Variants in HIBCH observed in about 807,000 individuals in gnomAD.
HIBCH encodes the protein 3-hydroxyisobutyryl-CoA hydrolase, mitochondrial.
Under a neutral mutation model 58.2 loss-of-function variants are expected in HIBCH, and 50 were observed. The observed-to-expected ratio is 0.86, with a 90% CI of 0.68 to 1.09. The LOEUF is 1.09. HIBCH is among the 50% of genes least tolerant of loss of function. The probability of loss-of-function intolerance (pLI) is 0.00; values close to 1 mark genes in which losing one functional copy is unlikely to be tolerated. For synonymous variants in HIBCH, 151 were observed against 146.9 expected, an observed-to-expected ratio of 1.03 and a Z score of -0.20; for missense variants, 450 against 449.7, an observed-to-expected ratio of 1.00 and a Z score of -0.01.
chr2:190,277,623 A>C (rs896185741), intron 6 of HIBCH, among the ~76,000 whole-genome samples: 1 of 152,216 alleles, frequency 6.6e-6, no homozygotes, highest in African/African-American at 2.4e-5. Context: ...GAGTTCCTTC[A>C]TAATAAATTG....
At position 190,236,489 on chromosome 2, in the gene HIBCH, G is replaced by C. The variant is rs952489366; in HGVS notation, c.891+8398C>G. 1.3e-5 allele frequency among the ~76,000 whole-genome samples: 2 copies of C among 152,122 alleles called. No homozygotes were observed. The highest frequency in any genetic ancestry group is 1.3e-4 in the Admixed American group (2 of 15,268). On this transcript the variant is annotated intron_variant, in intron 11 of 13. Transcript: ENST00000359678. This position sits in a 1 kb window ranked among gnomAD's most constrained non-coding sequence, Gnocchi z 4.1. ...AACATATATCTATAAATCATTTCCA[G>C]AAGTGTTCCGACTGACAATAAACCA...
At chr2:190,296,245 C>T (rs1688100767) in intron 3 of HIBCH, among the ~76,000 whole-genome samples, 1 of 151,978 alleles carries the variant, frequency 6.6e-6, no homozygotes, top group Non-Finnish European at 1.5e-5. Context: ...ACGGTGAAAC[C>T]CCGTCTCTAC....
intron 1 of HIBCH, among the ~76,000 whole-genome samples, chr2:190,192,593 C>T (rs1187947639): frequency 6.6e-6 from 1 of 151,660 alleles, no homozygotes; most frequent in African/African-American, 2.4e-5. Context: ...GGAATTTTGC[C>T]GAATATACAT....
chr2:190,284,565 T>C (rs1431689584), intron 6 of HIBCH, among the ~76,000 whole-genome samples: 1 of 152,196 alleles, frequency 6.6e-6, no homozygotes, highest in African/African-American at 2.4e-5. Context: ...TATTTTTATT[T>C]TATATTTATA....
In HIBCH at chr2:190,204,068, T is replaced by C. The variant is rs1039932194; in HGVS notation, c.*1049A>G. The C allele has an allele frequency of 2.0e-5, 3 of 152,274 alleles. No homozygotes were observed. In the Middle Eastern group the frequency reaches 0.01, roughly 518 times the overall value. The allele number at this position is 152,274 out of a possible 1,614,324, so 9.4% of individuals were successfully genotyped here. A position where few individuals can be genotyped will look rare whatever the true frequency, so the allele number is the denominator to read the frequency against. On this transcript the variant is annotated 3_prime_UTR_variant, in exon 14 of 14. Coordinates refer to ENST00000359678, the MANE Select transcript of HIBCH (RefSeq NM_014362.4). ...TCATAAATTTTGTTTACTTTGTTAA[T>C]TTATAAACTTACCTTTAGTTTAAAA...
chr2:190,250,361 G>A (rs532780518), intron 8 of HIBCH: 1 of 468,116 alleles, frequency 2.1e-6, no homozygotes, highest in South Asian at 1.6e-5. Context: ...TCTTTGTATT[G>A]TTTTTACACT....
intron 2 of HIBCH, among the ~76,000 whole-genome samples, chr2:190,299,252 C>T (rs1688194861): frequency 6.6e-6 from 1 of 152,102 alleles, no homozygotes; most frequent in Admixed American, 6.5e-5. Flanking sequence ...GTTTATATAA[C>T]GTTTAAGTTC....
Position 190,197,871 on chromosome 2 carries a change from T to C in HIBCH, c.*17+7229A>G, listed in dbSNP as rs1035194964. On this transcript the variant is annotated intron_variant, in intron 1 of 1. Coordinates refer to the HIBCH transcript ENST00000399855. This position sits in a 1 kb window ranked among gnomAD's most constrained non-coding sequence, Gnocchi z 4.0. The stretch of plus-strand genomic sequence containing the variant: ...AATATTCTGATGGTTCCACTGATGG[T>C]TCCACTCACAGCCTTTTATTTATCT... 2.0e-5 allele frequency among the ~76,000 whole-genome samples: 3 copies of C among 152,038 alleles called. No homozygotes were observed. Among genetic ancestry groups the C allele is most frequent in the Non-Finnish European group, 2.9e-5 (2 of 68,036 alleles).
chr2:190,249,750 G>C (rs774638836), intron 8 of HIBCH, 24 bp from the exon 9 acceptor site: 6 of 1,416,590 alleles, frequency 4.2e-6, no homozygotes, highest in Middle Eastern at 3.7e-4. Context: ...AGAAAAAAAG[G>C]AAAGATCTTA....
chr2:190,198,700 T>C (rs1163184455), intron 1 of HIBCH, among the ~76,000 whole-genome samples: 1 of 144,442 alleles, frequency 6.9e-6, no homozygotes, highest in Non-Finnish European at 1.5e-5. Context: ...AGCTATGTTT[T>C]TAGTCCCAAA....
chr2:190,280,996 G>T (rs1049939421), intron 6 of HIBCH: 3 of 152,200 alleles, frequency 2.0e-5, no homozygotes, highest in Admixed American at 6.5e-5. Flanking sequence ...CAAGAATCAA[G>T]TTGCTTCAGA....
At chr2:190,246,459 T>C (rs1299048122) in intron 9 of HIBCH, among the ~76,000 whole-genome samples, 2 of 152,192 alleles carry the variant, frequency 1.3e-5, no homozygotes, top group Non-Finnish European at 2.9e-5. Flanking sequence ...TATAAATATA[T>C]GTAACCACTA....
chr2:190,201,233 A>G (rs878937607), downstream of HIBCH: 8 of 166,982 alleles, frequency 4.8e-5, no homozygotes, highest in Admixed American at 2.6e-4. Flanking sequence ...TAGGGAAGCT[A>G]TTTTTTCTCT....
rs1690036061 is a variant in HIBCH at position 190,197,518 on chromosome 2, T to A, written c.*18-7521A>T. ...TCTCTTCCCAATCTTGAACTCTATC[T>A]TATAAATTCCAGCTGTTTTAGTAAC... On this transcript the variant is annotated intron_variant, in intron 1 of 1. Coordinates refer to the HIBCH transcript ENST00000399855. This position sits in a 1 kb window ranked among gnomAD's most constrained non-coding sequence, Gnocchi z 4.0. 6.6e-6 allele frequency among the ~76,000 whole-genome samples: 1 copy of A among 152,202 alleles called. No homozygotes were observed. The highest frequency in any genetic ancestry group is 2.1e-4 in the South Asian group (1 of 4,828).
At chr2:190,237,710 T>C (rs1686320066) in intron 11 of HIBCH, among the ~76,000 whole-genome samples, 1 of 152,162 alleles carries the variant, frequency 6.6e-6, no homozygotes, top group South Asian at 2.1e-4. Context: ...CGTGCAGGTT[T>C]GTTACATAGG....
At chr2:190,194,175 T>C (rs1187210948) in intron 1 of HIBCH, among the ~76,000 whole-genome samples, 1 of 152,200 alleles carries the variant, frequency 6.6e-6, no homozygotes, top group East Asian at 1.9e-4. Flanking sequence ...ATAGTCTATC[T>C]TGGTGAATGT....
chr2:190,219,690 G>A (rs1685661390), intron 11 of HIBCH, among the ~76,000 whole-genome samples: 2 of 152,142 alleles, frequency 1.3e-5, no homozygotes, highest in South Asian at 4.2e-4. Flanking sequence ...TAGGTGATGG[G>A]ACCTACAATA....
chr2:190,262,416 C>T (rs1376963408), intron 6 of HIBCH, among the ~76,000 whole-genome samples: 1 of 152,106 alleles, frequency 6.6e-6, no homozygotes, highest in African/African-American at 2.4e-5. Flanking sequence ...CTGTTCTTTC[C>T]AATTAAAATG....
At chr2:190,310,634 G>C in intron 2 of HIBCH, 120 bp downstream of exon 2, 1 of 831,628 alleles carries the variant, frequency 1.2e-6, no homozygotes, top group South Asian at 1.4e-5. Context: ...ACTCAGTTGA[G>C]AACCATGATG....
Sources: gnomAD v4.1 joint callset for allele counts (sites outside exome capture counted in the v4.1 genomes callset) on GRCh38, gnomAD v4.1.1 for gene constraint, Gnocchi (gnomAD v3.1) non-coding constraint, MANE v1.5 for transcripts, NCBI Gene and HGNC (gene_info 2026-07-23, HGNC 2026-07-21) for gene names.